LRR1: variants seen among roughly 807,000 people sequenced by gnomAD.
LRR1 encodes leucine rich repeat protein 1.
In LRR1, 29 loss-of-function variants were observed where a neutral mutation model predicts 31.6. The ratio of observed to expected loss-of-function variants is 0.92; its 90% CI spans 0.68 to 1.25. LRR1 has a LOEUF of 1.25. Ranked by LOEUF, LRR1 falls within the 50% of genes most tolerant of loss-of-function variation. The pLI, the probability that LRR1 is intolerant of heterozygous loss-of-function variation, is 0.00. For synonymous variants in LRR1, 179 were observed against 181.4 expected, an observed-to-expected ratio of 0.99 and a Z score of 0.10; for missense variants, 485 against 487.2, an observed-to-expected ratio of 1.00 and a Z score of 0.04.
intron 1 of LRR1, among the ~76,000 whole-genome samples, chr14:49,601,816 T>TAAA (rs11319854): frequency 4.6e-4 from 42 of 90,728 alleles, no homozygotes; most frequent in African/African-American, 1.2e-3. Flanking sequence ...TCCCAACTGC[T>TAAA]AAAAAAAAAA....
chr14:49,606,812 A>G (rs1428454269), intron 2 of LRR1, among the ~76,000 whole-genome samples: 1 of 147,954 alleles, frequency 6.8e-6, no homozygotes, highest in Non-Finnish European at 1.5e-5. Context: ...ATGCACTACC[A>G]CGCCCAGCTA....
intron 1 of LRR1, chr14:49,601,731 A>G (rs1255649310): frequency 1.6e-6 from 2 of 1,265,208 alleles, no homozygotes; most frequent in Non-Finnish European, 2.1e-6. Context: ...AAACATGGTG[A>G]TCCTGTTCTC....
chr14:49,600,223 C>T (rs921615630), intron 1 of LRR1: 18 of 1,487,496 alleles, frequency 1.2e-5, no homozygotes, highest in East Asian at 2.3e-5. Context: ...AGGCCTTTAT[C>T]TTACCCAATG....
At chr14:49,606,916 C>T (rs1566494711) in intron 2 of LRR1, among the ~76,000 whole-genome samples, 2 of 152,164 alleles carry the variant, frequency 1.3e-5, no homozygotes, top group Admixed American at 6.5e-5. Context: ...CTCGGCCTCC[C>T]AAAGTGCTGG....
At chr14:49,601,690 G>C (rs1380267101) in intron 1 of LRR1, 1 of 1,289,440 alleles carries the variant, frequency 7.8e-7, no homozygotes, top group East Asian at 5.5e-5. Context: ...CAGTTACATA[G>C]TTGGAATGGG....
chr14:49,608,183 C>T, intron 3 of LRR1, 62 bp downstream of exon 3: 2 of 1,449,604 alleles, frequency 1.4e-6, no homozygotes, highest in Non-Finnish European at 1.8e-6. Context: ...TCCTATCAAA[C>T]TCAGAGTAAT....
chr14:49,612,685 A>T (rs1470151745), intron 3 of LRR1: 2 of 994,240 alleles, frequency 2.0e-6, no homozygotes, highest in African/African-American at 3.5e-5. Flanking sequence ...CAGGGTTTTA[A>T]ACTCTCATTT....
chr14:49,609,545 C>T lies in LRR1; in HGVS notation c.1004+1424C>T, dbSNP rs187109660. Among the ~76,000 whole-genome samples, 9 of 151,830 alleles carry T rather than the reference C, an allele frequency of 5.9e-5. No homozygotes were observed. The East Asian group carries it at 1.4e-3, about 23-fold the overall frequency. On this transcript the variant is annotated intron_variant, in intron 3 of 3. Coordinates refer to ENST00000298288, the MANE Select transcript of LRR1 (RefSeq NM_152329.4). Reference sequence around the variant, plus strand: ...TCAGCCTCCTAAGTAGCTGAAACTGCAGGCACCCGCCACCACACCTGGCTA... The same window carrying T: ...TCAGCCTCCTAAGTAGCTGAAACTGTAGGCACCCGCCACCACACCTGGCTA...
intron 2 of LRR1, among the ~76,000 whole-genome samples, chr14:49,604,885 T>A (rs72678071): frequency 6.6e-5 from 10 of 151,920 alleles, no homozygotes; most frequent in Non-Finnish European, 1.3e-4. Flanking sequence ...AATGTCTCGT[T>A]GTTCAACCTT....
At chr14:49,602,585 C>T in intron 2 of LRR1, 117 bp downstream of exon 2, 1 of 747,796 alleles carries the variant, frequency 1.3e-6, no homozygotes. Context: ...TAGCTCACTG[C>T]ATCAAACACC....
At chr14:49,612,492 T>C (rs1882547980) in intron 3 of LRR1, 3 of 1,264,934 alleles carry the variant, frequency 2.4e-6, no homozygotes, top group African/African-American at 3.1e-5. Flanking sequence ...CCGAAAGAGA[T>C]TAATGTAAAC....
chr14:49,605,585 A>C (rs1882249989), intron 2 of LRR1, among the ~76,000 whole-genome samples: 1 of 152,182 alleles, frequency 6.6e-6, no homozygotes, highest in Non-Finnish European at 1.5e-5. Context: ...CCCTTTTCTT[A>C]ATAAAACTCT....
intron 2 of LRR1, among the ~76,000 whole-genome samples, chr14:49,603,031 G>A (rs1158280034): frequency 6.7e-6 from 1 of 148,934 alleles, no homozygotes; most frequent in Non-Finnish European, 1.5e-5. Flanking sequence ...CTTTAGTAGA[G>A]ACAGGGTTTC....
At position 49,606,080 on chromosome 14, in the gene LRR1, G is replaced by A. The variant is rs191596496; in HGVS notation, c.283-1320G>A. The stretch of plus-strand genomic sequence containing the variant: ...GTCGCTCTGTCGCCCAGGCTGCCGT[G>A]CAGTCTTGCGATCTTGGCTTACTGC... On this transcript the variant is annotated intron_variant, in intron 2 of 3. Coordinates refer to ENST00000298288, the MANE Select transcript of LRR1 (RefSeq NM_152329.4). Among the ~76,000 whole-genome samples the A allele has an allele frequency of 1.8e-4, 26 of 146,536 alleles. No homozygotes were observed. The East Asian group carries it at 3.8e-3, about 21-fold the overall frequency.
chr14:49,605,660 G>A (rs1010836364), intron 2 of LRR1, among the ~76,000 whole-genome samples: 3 of 152,090 alleles, frequency 2.0e-5, no homozygotes, highest in Non-Finnish European at 4.4e-5. Context: ...TCACTTCTTT[G>A]TCTCTTGCTT....
At position 49,600,609 on chromosome 14, in the gene LRR1, C is replaced by T; in HGVS notation, c.183+1406C>T. 13 of 1,532,556 alleles carry T rather than the reference C, an allele frequency of 8.5e-6. No homozygotes were observed. In the Admixed American group the frequency reaches 8.5e-5, roughly 10 times the overall value. The allele number at this position is 1,532,556 out of a possible 1,614,324, so 94.9% of individuals were successfully genotyped here. A position where few individuals can be genotyped will look rare whatever the true frequency, so the allele number is the denominator to read the frequency against. ...AGATGTATAAACTGTTGTTTAATTA[C>T]GTGAGAAACATCTTCAGTGGCCAAG... On this transcript the variant is annotated intron_variant, in intron 1 of 3. Coordinates refer to ENST00000298288, the MANE Select transcript of LRR1 (RefSeq NM_152329.4).
chr14:49,598,977 G>A lies in LRR1; in HGVS notation c.-44G>A. 1 of 1,562,718 alleles carries A rather than the reference G, an allele frequency of 6.4e-7. No homozygotes were observed. The highest frequency in any genetic ancestry group is 8.7e-7 in the Non-Finnish European group (1 of 1,151,480). On this transcript the variant is annotated 5_prime_UTR_variant, in exon 1 of 4. Coordinates refer to ENST00000298288, the MANE Select transcript of LRR1 (RefSeq NM_152329.4). ...GGCGGCGCCGGGTGGCGGGAAGGAG[G>A]AAGTTTCAAAGCCAGCTTGACGTGG...
chr14:49,599,056 G>A lies in LRR1; in HGVS notation c.36G>A (p.Arg12=). The change falls in exon 1 of 4, where the codon CGG becomes CGA. Residue 12 remains arginine, a synonymous_variant. Transcript: ENST00000298288. ...ACTGTGAGGTGGAGGTGATCAGCCGGCACTTGCCCGCCTTGGGGCTTAGGA... is the reference window on the plus strand; with the variant it reads ...ACTGTGAGGTGGAGGTGATCAGCCGACACTTGCCCGCCTTGGGGCTTAGGA... ...KLHCEVEVIS[R]HLPALGLRNR... 1 of 1,609,000 alleles carries A rather than the reference G, an allele frequency of 6.2e-7. No individual in the cohort carries two copies. The highest frequency in any genetic ancestry group is 1.7e-5 in the Admixed American group (1 of 59,234).
At chr14:49,612,769 G>T in intron 3 of LRR1, 1 of 489,500 alleles carries the variant, frequency 2.0e-6, no homozygotes, top group South Asian at 5.4e-5. Flanking sequence ...CTAAGCTAGA[G>T]ACTAGAGAAA....
Sources: allele counts gnomAD v4.1 joint callset (sites outside exome capture counted in the v4.1 genomes callset), GRCh38; gene constraint gnomAD v4.1.1; transcripts MANE v1.5; gene names NCBI Gene and HGNC (gene_info 2026-07-23, HGNC 2026-07-21).